The following ERBB4 variants were observed in gnomAD, a reference collection of about 807,000 sequenced individuals.
ERBB4 encodes the protein receptor tyrosine-protein kinase erbB-4.
Under a neutral mutation model 158.0 loss-of-function variants are expected in ERBB4, and 42 were observed. The ratio of observed to expected loss-of-function variants is 0.27; its 90% CI spans 0.21 to 0.34. The LOEUF is 0.34. Among genes scored for constraint, ERBB4 ranks in the 10% least tolerant of loss-of-function variants. The pLI is 1.00. For synonymous variants in ERBB4, 583 were observed against 558.7 expected, an observed-to-expected ratio of 1.04 and a Z score of -0.61; for missense variants, 1,333 against 1,624.1, an observed-to-expected ratio of 0.82 and a Z score of 3.08.
chr2:211,638,653 G>T (rs754610792), intron 16 of ERBB4, among the ~76,000 whole-genome samples: 1 of 151,948 alleles, frequency 6.6e-6, no homozygotes, highest in Non-Finnish European at 1.5e-5. Flanking sequence ...TTTTTGACTC[G>T]GCTTTATGTG....
At chr2:211,794,078 G>A (rs1316533038) in intron 3 of ERBB4, among the ~76,000 whole-genome samples, 1 of 151,912 alleles carries the variant, frequency 6.6e-6, no homozygotes, top group African/African-American at 2.4e-5. Flanking sequence ...GCAATTTCAA[G>A]ATGAAATTAT....
At chr2:211,735,804 G>C (rs1279622122) in intron 5 of ERBB4, among the ~76,000 whole-genome samples, 1 of 151,976 alleles carries the variant, frequency 6.6e-6, no homozygotes, top group African/African-American at 2.4e-5. Flanking sequence ...AGTATATACA[G>C]AAGAATATGT....
chr2:211,410,515 G>A (rs2063236004), intron 25 of ERBB4, among the ~76,000 whole-genome samples: 1 of 152,090 alleles, frequency 6.6e-6, no homozygotes, highest in Non-Finnish European at 1.5e-5. Flanking sequence ...ATGTCGAAAG[G>A]GATACAGGCA....
chr2:212,311,044 G>A (rs766158810), intron 1 of ERBB4, among the ~76,000 whole-genome samples: 1 of 150,740 alleles, frequency 6.6e-6, no homozygotes, highest in Non-Finnish European at 1.5e-5. Flanking sequence ...AGTGACTTCT[G>A]TACTAGAACA....
chr2:211,883,334 T>C (rs2078713104), intron 3 of ERBB4, among the ~76,000 whole-genome samples: 1 of 151,986 alleles, frequency 6.6e-6, no homozygotes, highest in Admixed American at 6.6e-5. Context: ...CATTAGGAGA[T>C]ATACCTAATG....
At chr2:211,902,685 A>G (rs1036884970) in intron 3 of ERBB4, among the ~76,000 whole-genome samples, 23 of 151,700 alleles carry the variant, frequency 1.5e-4, no homozygotes, top group African/African-American at 5.1e-4. Context: ...CTCAAAATTG[A>G]GTAATTTTCC....
Position 212,199,583 on chromosome 2 carries a change from G to C in ERBB4, c.83-74680C>G, listed in dbSNP as rs563027706. On this transcript the variant is annotated intron_variant, in intron 1 of 27. Coordinates refer to ENST00000342788, the MANE Select transcript of ERBB4 (RefSeq NM_005235.3). ...CTTAAGCTAATTGTCAGTATATCAT[G>C]AATGAATATTCTTAAGGTTATAATG... 2.0e-5 allele frequency among the ~76,000 whole-genome samples: 3 copies of C among 152,190 alleles called. No homozygotes were observed. The East Asian group carries it at 5.8e-4, about 29-fold the overall frequency.
intron 19 of ERBB4, among the ~76,000 whole-genome samples, chr2:211,594,197 G>A (rs1393282921): frequency 1.3e-5 from 2 of 152,290 alleles, no homozygotes; most frequent in African/African-American, 4.8e-5. Context: ...AGCACTTTGG[G>A]AGACCGAGGA....
chr2:211,613,439 T>C (rs1049434929), intron 19 of ERBB4, among the ~76,000 whole-genome samples: 1 of 142,996 alleles, frequency 7.0e-6, no homozygotes, highest in African/African-American at 3.0e-5. Context: ...TAATTTCAAA[T>C]GTGAGGCTCC....
intron 1 of ERBB4, among the ~76,000 whole-genome samples, chr2:212,461,250 G>C (rs1688557709): frequency 1.3e-5 from 2 of 152,198 alleles, no homozygotes; most frequent in South Asian, 4.1e-4. Context: ...GCCTGGAAAA[G>C]TAGCAGACAC....
At chr2:212,058,924 T>A (rs2077670076) in intron 2 of ERBB4, among the ~76,000 whole-genome samples, 1 of 152,158 alleles carries the variant, frequency 6.6e-6, no homozygotes. Context: ...CAACGTAGTG[T>A]TGGAAGTTCT....
At chr2:211,746,841 A>C (rs13025061) in intron 5 of ERBB4, among the ~76,000 whole-genome samples, 49,569 of 148,956 alleles carry the variant, frequency 0.33, 8,514 homozygotes, top group South Asian at 0.44. Flanking sequence ...AAAAAAAAAA[A>C]AAAAAACCCT....
chr2:211,727,665 A>C (rs950463764), intron 5 of ERBB4, among the ~76,000 whole-genome samples: 1 of 152,062 alleles, frequency 6.6e-6, no homozygotes, highest in Non-Finnish European at 1.5e-5. Context: ...TCATGATTTC[A>C]TATTTTTAAT....
chr2:211,476,299 C>T (rs1312726563), intron 20 of ERBB4, among the ~76,000 whole-genome samples: 1 of 152,032 alleles, frequency 6.6e-6, no homozygotes, highest in Non-Finnish European at 1.5e-5. Context: ...TAGAAAGATA[C>T]AAGGACATGG....
At chr2:211,556,542 T>C (rs1211697551) in intron 20 of ERBB4, among the ~76,000 whole-genome samples, 1 of 152,128 alleles carries the variant, frequency 6.6e-6, no homozygotes, top group Non-Finnish European at 1.5e-5. Context: ...TTTTTGTGGG[T>C]ACATAGGTGT....
intron 1 of ERBB4, 137 bp downstream of exon 1, chr2:212,538,312 C>T: frequency 1.3e-6 from 1 of 778,330 alleles, no homozygotes; most frequent in Non-Finnish European, 2.3e-6. Context: ...GAGGGGTGAC[C>T]GAAAGCCCAG....
In ERBB4 at chr2:212,414,594, A is replaced by G. The variant is rs573059095; in HGVS notation, c.82+123855T>C. ...CTTAGTATTTTAAGCTAAATTGATA[A>G]ATTGGACCCTTAACTTTAAAATTTC... On this transcript the variant is annotated intron_variant, in intron 1 of 27. Coordinates refer to ENST00000342788, the MANE Select transcript of ERBB4 (RefSeq NM_005235.3). 1.2e-4 allele frequency among the ~76,000 whole-genome samples: 19 copies of G among 152,322 alleles called. No homozygotes were observed. In the East Asian group the frequency reaches 3.7e-3, roughly 29 times the overall value.
rs145921381 is a variant in ERBB4 at position 212,335,554 on chromosome 2, G to A, written c.82+202895C>T. ...GTTACCCATAAGAAGATGCATTTTC[G>A]TTTGATTCAATTAATAACTGTTATA... On this transcript the variant is annotated intron_variant, in intron 1 of 27. Transcript: ENST00000342788. Among the ~76,000 whole-genome samples, 1,380 of 151,856 alleles carry A rather than the reference G, an allele frequency of 9.1e-3. 22 individuals carry two copies. Among genetic ancestry groups the A allele is most frequent in the African/African-American group, 0.031 (1,276 of 41,458 alleles).
At chr2:211,788,404 C>T (rs1287754287) in intron 3 of ERBB4, among the ~76,000 whole-genome samples, 1 of 152,018 alleles carries the variant, frequency 6.6e-6, no homozygotes, top group Non-Finnish European at 1.5e-5. Context: ...AGTAACACTC[C>T]TAACATTTTG....
Sources: allele counts gnomAD v4.1 joint callset (sites outside exome capture counted in the v4.1 genomes callset), GRCh38; gene constraint gnomAD v4.1.1; transcripts MANE v1.5; gene names NCBI Gene and HGNC (gene_info 2026-07-23, HGNC 2026-07-21).